The following FRMD3 variants were observed in gnomAD, a reference collection of about 807,000 sequenced individuals.
FRMD3 encodes the protein FERM domain-containing protein 3.
In FRMD3, 33 loss-of-function variants were observed where a neutral mutation model predicts 70.2. The ratio of observed to expected loss-of-function variants is 0.47; its 90% confidence interval spans 0.36 to 0.63. FRMD3 has a LOEUF of 0.63. Among genes scored for constraint, FRMD3 ranks in the 20% least tolerant of loss-of-function variants. The probability of loss-of-function intolerance (pLI) is 0.00; values close to 1 mark genes in which losing one functional copy is unlikely to be tolerated. For synonymous variants in FRMD3, 279 were observed against 255.9 expected (o/e 1.09, Z -0.86); for missense variants, 632 against 711.4 (o/e 0.89, Z 1.27).
At chr9:83,546,212 C>G in the FRMD3 span, among the ~76,000 whole-genome samples, 1 of 152,112 alleles carries the variant, frequency 6.6e-6, no homozygotes, top group South Asian at 2.1e-4. Flanking sequence ...CAAAAATTAG[C>G]CAGGCATGGC....
At chr9:83,316,612 T>C (rs1222682602) in intron 6 of FRMD3, among the ~76,000 whole-genome samples, 1 of 152,238 alleles carries the variant, frequency 6.6e-6, no homozygotes. Flanking sequence ...GTGATATATG[T>C]ATATAGAGAA....
At chr9:83,292,437 G>A (rs1008971144) in intron 12 of FRMD3, among the ~76,000 whole-genome samples, 1 of 152,054 alleles carries the variant, frequency 6.6e-6, no homozygotes, top group African/African-American at 2.4e-5. Context: ...TGGGATTACA[G>A]GCTTGAGCCA....
rs1832136167 is a variant in FRMD3 at position 83,246,973 on chromosome 9, T to G, written c.*945A>C. On this transcript the variant is annotated 3_prime_UTR_variant, in exon 14 of 14. Transcript: ENST00000304195. The stretch of plus-strand genomic sequence containing the variant: ...TCCAGTTCCTATCTGCCTTCACTCT[T>G]GGGTTAATGTACATTGATATGCAAC... 1 of 985,332 alleles carries G rather than the reference T, an allele frequency of 1.0e-6. No individual in the cohort carries two copies. Among genetic ancestry groups the G allele is most frequent in the African/African-American group, 1.7e-5 (1 of 57,248 alleles). The allele number at this position is 985,332 out of a possible 1,614,324, so 61.0% of individuals were successfully genotyped here. A position where few individuals can be genotyped will look rare whatever the true frequency, so the allele number is the denominator to read the frequency against.
chr9:83,555,401 C>T, the FRMD3 span, among the ~76,000 whole-genome samples: 1 of 148,782 alleles, frequency 6.7e-6, no homozygotes. Context: ...GCAGTCTGGC[C>T]AAATTTGGTA....
the FRMD3 span, among the ~76,000 whole-genome samples, chr9:83,574,487 C>T: frequency 6.6e-6 from 1 of 152,172 alleles, no homozygotes; most frequent in Non-Finnish European, 1.5e-5. Flanking sequence ...TACTCCATGA[C>T]ACAAATCTTT....
chr9:83,317,728 C>G (rs1007225379), intron 6 of FRMD3, among the ~76,000 whole-genome samples: 8 of 152,152 alleles, frequency 5.3e-5, no homozygotes, highest in Non-Finnish European at 1.0e-4. Context: ...TGATGAGCAT[C>G]TAATTTCCAA....
chr9:83,248,662 T>A, intron 13 of FRMD3, 146 bp from the exon 14 acceptor site: 1 of 892,614 alleles, frequency 1.1e-6, no homozygotes, highest in Non-Finnish European at 1.6e-6. Context: ...AACAAAGTCG[T>A]ATTATAGTAA....
chr9:83,356,944 G>C (rs1281059006), intron 3 of FRMD3, among the ~76,000 whole-genome samples: 3 of 151,220 alleles, frequency 2.0e-5, no homozygotes, highest in Admixed American at 2.0e-4. Flanking sequence ...TTTATGCCTT[G>C]TAGCTTAGCT....
intron 1 of FRMD3, among the ~76,000 whole-genome samples, chr9:83,469,284 A>G (rs1828208816): frequency 6.6e-6 from 1 of 152,214 alleles, no homozygotes; most frequent in Admixed American, 6.5e-5. Context: ...AGGGTCTGCT[A>G]TTCAGGTCAC....
In FRMD3 at chr9:83,537,051, G is replaced by T. The variant is rs1418942611; in HGVS notation, c.147+1034C>A. ...GATTTAGAAGTCAGAAGTTAATTGT[G>T]CTGAGCCCTGACACAACCTTTCCTG... On this transcript the variant is annotated intron_variant, in intron 1 of 13. Coordinates refer to ENST00000304195, the MANE Select transcript of FRMD3 (RefSeq NM_174938.6). The surrounding 1 kb of genome is among the most constrained non-coding windows in gnomAD (Gnocchi z 4.1). Among the ~76,000 whole-genome samples the T allele has an allele frequency of 6.6e-6, 1 of 151,750 alleles. No homozygotes were observed. The highest frequency in any genetic ancestry group is 1.5e-5 in the Non-Finnish European group (1 of 67,996).
chr9:83,492,621 G>A (rs935450609), intron 1 of FRMD3, among the ~76,000 whole-genome samples: 2 of 152,146 alleles, frequency 1.3e-5, no homozygotes, highest in Admixed American at 6.5e-5. Context: ...TCTGGCCACC[G>A]GGGCCTCTGG....
chr9:83,492,310 C>T (rs1400098177), intron 1 of FRMD3, among the ~76,000 whole-genome samples: 1 of 152,184 alleles, frequency 6.6e-6, no homozygotes, highest in African/African-American at 2.4e-5. Context: ...CAATAAGGCA[C>T]GTCCATTAAG....
At chr9:83,574,843 C>T in the FRMD3 span, among the ~76,000 whole-genome samples, 30 of 152,210 alleles carry the variant, frequency 2.0e-4, no homozygotes, top group African/African-American at 6.5e-4. Context: ...CTCCAACTTC[C>T]CCATAAAAAC....
At chr9:83,284,731 C>T (rs1404601014) in intron 13 of FRMD3, among the ~76,000 whole-genome samples, 1 of 152,138 alleles carries the variant, frequency 6.6e-6, no homozygotes, top group Non-Finnish European at 1.5e-5. Context: ...ACACCGAAGC[C>T]ATAAGAATAG....
the FRMD3 span, among the ~76,000 whole-genome samples, chr9:83,575,590 T>C: frequency 6.6e-6 from 1 of 152,104 alleles, no homozygotes; most frequent in African/African-American, 2.4e-5. Flanking sequence ...AGTTCTCATA[T>C]TAAGAGGGGA....
chr9:83,315,571 T>C (rs1835538235), intron 6 of FRMD3, among the ~76,000 whole-genome samples: 1 of 152,182 alleles, frequency 6.6e-6, no homozygotes, highest in Non-Finnish European at 1.5e-5. Flanking sequence ...CTGCTCTCTC[T>C]TCCTCAGGCT....
chr9:83,479,663 GGAAGGAAGGAAA>G (rs1564096690), intron 1 of FRMD3, among the ~76,000 whole-genome samples: 7 of 45,150 alleles, frequency 1.6e-4, no homozygotes, highest in African/African-American at 5.9e-4. Flanking sequence ...AAGGAAGGAA[GGAAGGAAGGAAA>G]GAAAGAAAGA....
At chr9:83,396,772 T>A (rs1326367710) in intron 1 of FRMD3, among the ~76,000 whole-genome samples, 1 of 152,260 alleles carries the variant, frequency 6.6e-6, no homozygotes, top group South Asian at 2.1e-4. Flanking sequence ...TCAGTTAATG[T>A]GAATTTCCTT....
At chr9:83,295,583 G>A (rs1185157193) in intron 12 of FRMD3, among the ~76,000 whole-genome samples, 4 of 152,230 alleles carry the variant, frequency 2.6e-5, no homozygotes, top group African/African-American at 4.8e-5. Flanking sequence ...TAAATCTCAT[G>A]TTATAGATGA....
Sources: gnomAD v4.1 joint callset for allele counts (sites outside exome capture counted in the v4.1 genomes callset) on GRCh38, gnomAD v4.1.1 for gene constraint, Gnocchi (gnomAD v3.1) non-coding constraint, MANE v1.5 for transcripts, NCBI Gene and HGNC (gene_info 2026-07-23, HGNC 2026-07-21) for gene names.